BAIAP2L2: variants seen among roughly 807,000 people sequenced by gnomAD.
BAIAP2L2 encodes BAR/IMD domain-containing adapter protein 2-like 2.
In BAIAP2L2, 65 loss-of-function variants were observed where a neutral mutation model predicts 60.4. The ratio of observed to expected loss-of-function variants is 1.08; its 90% CI spans 0.88 to 1.32. BAIAP2L2 has a LOEUF of 1.32. BAIAP2L2 is among the 40% of genes most tolerant of loss of function. BAIAP2L2 has a pLI of 0.00. For synonymous variants in BAIAP2L2, 344 were observed against 301.7 expected (o/e 1.14, Z -1.45); for missense variants, 836 against 741.2 (o/e 1.13, Z -1.48).
chr22:38,086,796 GACCA>G (rs1316597177), intron 11 of BAIAP2L2, among the ~76,000 whole-genome samples: 3 of 152,064 alleles, frequency 2.0e-5, no homozygotes, highest in Admixed American at 2.0e-4. Context: ...AGGAGTTCAA[GACCA>G]GCCTGGCCAA....
intron 7 of BAIAP2L2, among the ~76,000 whole-genome samples, chr22:38,092,728 T>C (rs1402755807): frequency 6.6e-6 from 1 of 152,148 alleles, no homozygotes; most frequent in East Asian, 1.9e-4. Context: ...TTGTCCTCTC[T>C]AAATTTCATC....
At chr22:38,099,163 C>T (rs2086512381) in intron 4 of BAIAP2L2, among the ~76,000 whole-genome samples, 1 of 152,238 alleles carries the variant, frequency 6.6e-6, no homozygotes, top group African/African-American at 2.4e-5. Context: ...CATTCTAGTT[C>T]TGCCTCCTAT....
Position 38,089,718 on chromosome 22 carries a change from C to T in BAIAP2L2, c.613-44G>A. The T allele has an allele frequency of 2.4e-6, 3 of 1,225,250 alleles. No homozygotes were observed. In the East Asian group the frequency reaches 9.6e-5, roughly 39 times the overall value. The allele number at this position is 1,225,250 out of a possible 1,614,324, so 75.9% of individuals were successfully genotyped here. A position where few individuals can be genotyped will look rare whatever the true frequency, so the allele number is the denominator to read the frequency against. On this transcript the variant is annotated intron_variant, in intron 7 of 13. Transcript: ENST00000381669. ...GGGGGTCAGCCAGGTCCGGGCGGCTCCCTGAATCCTGGGGACCCAAAATGA... is the reference window on the plus strand; with the variant it reads ...GGGGGTCAGCCAGGTCCGGGCGGCTTCCTGAATCCTGGGGACCCAAAATGA...
rs937200968 is a variant in BAIAP2L2 at position 38,088,773 on chromosome 22, A to G, written c.1093T>C (p.Tyr365His). 2 of 1,577,000 alleles carry G rather than the reference A, an allele frequency of 1.3e-6. No individual in the cohort carries two copies. Among genetic ancestry groups the G allele is most frequent in the Non-Finnish European group, 1.7e-6 (2 of 1,166,408 alleles). Residue 365 changes from tyrosine to histidine, a missense_variant, in exon 10 of 14, where the codon TAC becomes CAC. Tyr to His is a moderately conservative substitution (Grantham distance 83, BLOSUM62 2). Coordinates refer to ENST00000381669, the MANE Select transcript of BAIAP2L2 (RefSeq NM_025045.6). ...GCGGACGAGCCCTCCAGCTTGCCGTAGAGCCAGCCGTTCTGGGCCTCGGGC... is the reference window on the plus strand; with the variant it reads ...GCGGACGAGCCCTCCAGCTTGCCGTGGAGCCAGCCGTTCTGGGCCTCGGGC... The part of the protein sequence containing the change: ...LVPEAQNGWL[Y>H]GKLEGSSASG...
rs3747167 is a variant in BAIAP2L2, at chr22:38,086,419, G to C, written c.1290C>G (p.Leu430=). The change falls in exon 12 of 14, where the codon CTC becomes CTG. Residue 430 remains leucine, a synonymous_variant. Coordinates refer to ENST00000381669, the MANE Select transcript of BAIAP2L2 (RefSeq NM_025045.6). ...TGCCCGGCCGGTCCAGGAGGTCATC[G>C]AGGCTGTGGCTGCCCCGGAGTGGGT... The part of the protein sequence containing the change: ...RSYPLRGSHS[L]DDLLDRPGNS... The C allele has an allele frequency of 3.3e-6, 5 of 1,532,668 alleles. No homozygotes were observed. Among genetic ancestry groups the C allele is most frequent in the Non-Finnish European group, 3.5e-6 (4 of 1,135,936 alleles). 94.9% of individuals were successfully genotyped at this position (1,532,668 alleles called of 1,614,324 possible).
chr22:38,085,428 C>G, intron 13 of BAIAP2L2, 53 bp from the exon 14 acceptor site: 1 of 1,572,926 alleles, frequency 6.4e-7, no homozygotes, highest in Non-Finnish European at 8.7e-7. Context: ...CCCCACCTGG[C>G]CATGGCTCAG....
intron 4 of BAIAP2L2, among the ~76,000 whole-genome samples, chr22:38,106,632 T>C (rs5756914): frequency 0.46 from 69,284 of 151,742 alleles, 17,289 homozygotes; most frequent in South Asian, 0.64. Context: ...CCTTCACACA[T>C]TGGAGGGAGA....
At chr22:38,091,920 T>G (rs982404674) in intron 7 of BAIAP2L2, among the ~76,000 whole-genome samples, 1 of 152,018 alleles carries the variant, frequency 6.6e-6, no homozygotes, top group Admixed American at 6.6e-5. Context: ...AAGACAAGTA[T>G]GAGGTAAAGC....
chr22:38,085,833 C>T (rs1303440891), intron 12 of BAIAP2L2, 101 bp from the exon 13 acceptor site: 7 of 1,143,180 alleles, frequency 6.1e-6, no homozygotes, highest in East Asian at 2.4e-5. Context: ...GAGGACTGGG[C>T]CAGAGAGCCC....
chr22:38,085,183 C>A lies in BAIAP2L2; in HGVS notation c.*117G>T. On this transcript the variant is annotated 3_prime_UTR_variant, in exon 14 of 14. Transcript: ENST00000381669. ...CGGGGTGGTCTGGGGAGGGCAGCCA[C>A]CCCCCGTCTCAGGGACCCGCTTCTT... The A allele has an allele frequency of 8.8e-7, 1 of 1,133,846 alleles. No individual in the cohort carries two copies. Among genetic ancestry groups the A allele is most frequent in the South Asian group, 1.4e-5 (1 of 69,046 alleles). 70.2% of individuals were successfully genotyped at this position (1,133,846 alleles called of 1,614,324 possible).
At chr22:38,096,323 G>C (rs2086425645) in intron 7 of BAIAP2L2, among the ~76,000 whole-genome samples, 1 of 152,152 alleles carries the variant, frequency 6.6e-6, no homozygotes, top group African/African-American at 2.4e-5. Flanking sequence ...GACTAGTCTA[G>C]CAGACAGAAC....
At chr22:38,101,313 G>T (rs2086560357) in intron 4 of BAIAP2L2, among the ~76,000 whole-genome samples, 1 of 140,720 alleles carries the variant, frequency 7.1e-6, no homozygotes, top group Non-Finnish European at 1.5e-5. Flanking sequence ...TGGGAGGATT[G>T]CTCGAGCCCA....
At chr22:38,110,313 G>A (rs953220531) in intron 1 of BAIAP2L2, among the ~76,000 whole-genome samples, 162 bp downstream of exon 1, 2 of 151,662 alleles carry the variant, frequency 1.3e-5, no homozygotes, top group Non-Finnish European at 2.9e-5. Context: ...GAGTGCTCTC[G>A]GGGATCCTTA....
Position 38,085,323 on chromosome 22 carries a change from G to T in BAIAP2L2, c.1567C>A (p.Arg523Ser). 1 of 1,614,034 alleles carries T rather than the reference G, an allele frequency of 6.2e-7. No individual in the cohort carries two copies. The highest frequency in any genetic ancestry group is 1.1e-5 in the South Asian group (1 of 91,054). The change falls in exon 14 of 14, where the codon CGC (arginine) becomes AGC (serine). Residue 523 changes from arginine to serine, a missense_variant. Arg to Ser is a moderately radical substitution (Grantham distance 110). Coordinates refer to ENST00000381669, the MANE Select transcript of BAIAP2L2 (RefSeq NM_025045.6). ...VKLRPTITND[R>S]SAPLIR ...CCTCAGCGGATGAGGGGTGCTGAGC[G>T]GTCATTGGTGATGGTGGGACGAAGC...
At chr22:38,107,355 G>A (rs750654173) in intron 4 of BAIAP2L2, among the ~76,000 whole-genome samples, 1 of 152,150 alleles carries the variant, frequency 6.6e-6, no homozygotes, top group African/African-American at 2.4e-5. Flanking sequence ...ACCAGCAGAG[G>A]GCCCACTCTT....
intron 7 of BAIAP2L2, among the ~76,000 whole-genome samples, chr22:38,096,483 C>T (rs1196513413): frequency 6.6e-6 from 1 of 152,092 alleles, no homozygotes; most frequent in African/African-American, 2.4e-5. Context: ...GGCGAAACCC[C>T]GTCTCTACTA....
intron 7 of BAIAP2L2, chr22:38,090,047 C>T (rs1284878291): frequency 5.8e-6 from 1 of 173,706 alleles, no homozygotes; most frequent in African/African-American, 2.4e-5. Flanking sequence ...GAAACTACGA[C>T]CAAAGAACCC....
chr22:38,110,631 C>T lies in BAIAP2L2; in HGVS notation c.-106G>A, dbSNP rs1432159721. 8 of 920,894 alleles carry T rather than the reference C, an allele frequency of 8.7e-6. No homozygotes were observed. In the Middle Eastern group the frequency reaches 9.3e-4, roughly 107 times the overall value. The allele number at this position is 920,894 out of a possible 1,614,324, so 57.0% of individuals were successfully genotyped here. A position where few individuals can be genotyped will look rare whatever the true frequency, so the allele number is the denominator to read the frequency against. ...CAGGTGCCCACGACTCAGCTGGCAG[C>T]GAGGAAGCCTCGGAGAGGGACCTGG... is the stretch of plus-strand genomic sequence containing the variant. On this transcript the variant is annotated 5_prime_UTR_variant, in exon 1 of 14. Transcript: ENST00000381669.
At chr22:38,090,109 T>TATTTTTTTA (rs1277662984) in intron 7 of BAIAP2L2, 2 of 106,358 alleles carry the variant, frequency 1.9e-5, no homozygotes, top group South Asian at 7.1e-4. Context: ...ATTTTTTTTT[T>TATTTTTTTA]TTTTTTTTTT....
Sources: allele counts gnomAD v4.1 joint callset (sites outside exome capture counted in the v4.1 genomes callset), GRCh38; gene constraint gnomAD v4.1.1; transcripts MANE v1.5; gene names NCBI Gene and HGNC (gene_info 2026-07-23, HGNC 2026-07-21).